Variants in OR56A3 observed in about 807,000 individuals in gnomAD.
The protein encoded by OR56A3 is olfactory receptor family 56 subfamily A member 3, also known as olfactory receptor 56A3.
OR56A3 carries 23 observed loss-of-function variants against 17.5 expected under a neutral mutation model. That is an observed-to-expected ratio of 1.32 (90% CI 0.95 to 1.87). OR56A3 has a LOEUF of 1.87. OR56A3 is among the 40% of genes most tolerant of loss of function. OR56A3 has a pLI of 0.00. For missense variants in OR56A3, 366 were observed against 380.1 expected (o/e 0.96, Z 0.31); for synonymous variants, 175 against 150.6 (o/e 1.16, Z -1.19).
chr11:5,980,487 A>G, the OR56A3 span, among the ~76,000 whole-genome samples: 1 of 152,168 alleles, frequency 6.6e-6, no homozygotes, highest in Non-Finnish European at 1.5e-5. Flanking sequence ...TCTGTGTGAA[A>G]TAAAAATAGC....
At chr11:5,989,368 C>A in the OR56A3 span, among the ~76,000 whole-genome samples, 1 of 152,292 alleles carries the variant, frequency 6.6e-6, no homozygotes, top group African/African-American at 2.4e-5. Flanking sequence ...AGGCTAAAAC[C>A]AAACTAGCCC....
the OR56A3 span, among the ~76,000 whole-genome samples, chr11:5,963,241 TTTTTCTATTTCC>T: frequency 2.6e-5 from 4 of 152,170 alleles, no homozygotes; most frequent in African/African-American, 9.6e-5. Flanking sequence ...TTTGCTTTTA[TTTTTCTATTTCC>T]TTGAGGTGCA....
the OR56A3 span, among the ~76,000 whole-genome samples, chr11:5,960,786 C>T: frequency 4.6e-5 from 7 of 151,696 alleles, no homozygotes; most frequent in African/African-American, 1.5e-4. Flanking sequence ...ATGCGTCTTC[C>T]CGGCCGTCAT....
downstream of OR56A3, among the ~76,000 whole-genome samples, chr11:5,956,337 A>C (rs1847931850): frequency 6.6e-6 from 1 of 152,168 alleles, no homozygotes; most frequent in African/African-American, 2.4e-5. Flanking sequence ...GAGTGTGTTT[A>C]TGTAAAATTA....
At chr11:6,010,171 T>C in the OR56A3 span, among the ~76,000 whole-genome samples, 98 of 152,352 alleles carry the variant, frequency 6.4e-4, no homozygotes, top group Non-Finnish European at 1.2e-3. Flanking sequence ...CTATGTTATA[T>C]ATAACTTGTG....
the OR56A3 span, among the ~76,000 whole-genome samples, chr11:6,008,197 C>T: frequency 6.6e-6 from 1 of 152,098 alleles, no homozygotes; most frequent in African/African-American, 2.4e-5. Flanking sequence ...TTTTCTAGGA[C>T]TCATGGTTTC....
Position 5,947,575 on chromosome 11 carries a change from C to T in OR56A3, c.229C>T (p.Leu77Phe), listed in dbSNP as rs1396070980. 4 of 1,614,212 alleles carry T rather than the reference C, an allele frequency of 2.5e-6. No homozygotes were observed. The South Asian group carries it at 3.3e-5, about 13-fold the overall frequency. ...LSLLSLLDIVLCLTVIPKVLT... is the reference protein window; with the variant it reads ...LSLLSLLDIVFCLTVIPKVLT... The stretch of plus-strand genomic sequence containing the variant: ...CCTCCTCTCCCTGCTGGACATCGTG[C>T]TCTGCCTCACTGTCATCCCCAAGGT... The change falls in exon 3 of 3, where the codon CTC becomes TTC. Residue 77 changes from leucine (L) to phenylalanine (F), a missense_variant. Coordinates refer to ENST00000641160, the MANE Select transcript of OR56A3 (RefSeq NM_001003443.3).
chr11:5,961,533 C>T, the OR56A3 span, among the ~76,000 whole-genome samples: 1 of 152,098 alleles, frequency 6.6e-6, no homozygotes, highest in Non-Finnish European at 1.5e-5. Context: ...CTTTGTTAAA[C>T]AGATGCTTGA....
At chr11:5,994,159 T>G in the OR56A3 span, 1 of 508,304 alleles carries the variant, frequency 2.0e-6, no homozygotes, top group Non-Finnish European at 3.8e-6. Context: ...CCCATTGAGC[T>G]GCTCCATCTG....
chr11:6,002,655 A>G, the OR56A3 span: 8 of 1,614,252 alleles, frequency 5.0e-6, no homozygotes, highest in South Asian at 5.5e-5. Context: ...GCAGGACTCC[A>G]TGGTCAAAAA....
the OR56A3 span, among the ~76,000 whole-genome samples, chr11:6,009,804 T>C: frequency 6.6e-6 from 1 of 152,222 alleles, no homozygotes; most frequent in Non-Finnish European, 1.5e-5. Flanking sequence ...CATTATCCCT[T>C]TGAATGTTTC....
At chr11:5,969,728 A>T in the OR56A3 span, among the ~76,000 whole-genome samples, 1 of 152,200 alleles carries the variant, frequency 6.6e-6, no homozygotes, top group Non-Finnish European at 1.5e-5. Context: ...TTTTGGAGAA[A>T]AATACTAATC....
the OR56A3 span, chr11:5,967,735 A>C: frequency 1.2e-6 from 2 of 1,611,006 alleles, no homozygotes; most frequent in Non-Finnish European, 1.7e-6. Flanking sequence ...ACTGTGGTGA[A>C]GAAGAGGATG....
chr11:5,989,445 GTAAA>G, the OR56A3 span, among the ~76,000 whole-genome samples: 1 of 152,202 alleles, frequency 6.6e-6, no homozygotes, highest in Non-Finnish European at 1.5e-5. Flanking sequence ...TAAGAAGTAA[GTAAA>G]TAAAGCAGAG....
chr11:5,995,606 T>G, the OR56A3 span, among the ~76,000 whole-genome samples: 9 of 152,280 alleles, frequency 5.9e-5, no homozygotes, highest in African/African-American at 2.2e-4. Flanking sequence ...TTTAGTATGT[T>G]TTTAATTGAC....
intron 2 of OR56A3, among the ~76,000 whole-genome samples, chr11:5,946,363 T>A (rs1847869533): frequency 6.6e-6 from 1 of 152,192 alleles, no homozygotes; most frequent in Admixed American, 6.5e-5. Flanking sequence ...TTATTAAATT[T>A]TGTGATGCTG....
chr11:6,020,375 T>C, the OR56A3 span: 3 of 152,104 alleles, frequency 2.0e-5, no homozygotes, highest in Non-Finnish European at 4.4e-5. Flanking sequence ...TGGAATAGCA[T>C]TGAATCTGTA....
At chr11:5,967,863 C>T in the OR56A3 span, 4 of 1,571,376 alleles carry the variant, frequency 2.5e-6, no homozygotes, top group Non-Finnish European at 2.6e-6. Context: ...GAGGTCAGAG[C>T]CCAGCAGGGT....
At chr11:6,016,543 A>G in the OR56A3 span, among the ~76,000 whole-genome samples, 1 of 152,128 alleles carries the variant, frequency 6.6e-6, no homozygotes, top group African/African-American at 2.4e-5. Flanking sequence ...AAAAAAAATG[A>G]AAAAAAGAGA....
Sources: allele counts gnomAD v4.1 joint callset (sites outside exome capture counted in the v4.1 genomes callset), GRCh38; gene constraint gnomAD v4.1.1; transcripts MANE v1.5; gene names NCBI Gene and HGNC (gene_info 2026-07-23, HGNC 2026-07-21).